The following GPR55 variants were observed in gnomAD, a reference collection of about 807,000 sequenced individuals.
GPR55 encodes the protein G protein-coupled receptor 55, also known as G-protein coupled receptor 55.
A neutral mutation model predicts 7.9 loss-of-function variants in GPR55; 6 were observed. The observed-to-expected ratio is 0.76, with a 90% CI of 0.41 to 1.49. The LOEUF is 1.49. Ranked by LOEUF, GPR55 falls within the 40% of genes most tolerant of loss-of-function variation. GPR55 has a pLI of 0.01. For missense variants in GPR55, 376 were observed against 406.0 expected, an observed-to-expected ratio of 0.93 and a Z score of 0.63; for synonymous variants, 183 against 166.8, an observed-to-expected ratio of 1.10 and a Z score of -0.75.
chr2:230,925,038 A>G (rs1350069536), intron 1 of GPR55, 130 bp downstream of exon 1: 1 of 152,582 alleles, frequency 6.6e-6, no homozygotes, highest in Non-Finnish European at 1.5e-5. Context: ...CTGAGTTGGG[A>G]CAGGTGTGCA....
At chr2:230,913,314 A>T (rs1015350929) in intron 1 of GPR55, among the ~76,000 whole-genome samples, 1 of 152,104 alleles carries the variant, frequency 6.6e-6, no homozygotes, top group African/African-American at 2.4e-5. Context: ...GGAGGAAAAA[A>T]TTGGGGTGTG....
At chr2:230,916,924 C>T (rs1284056632) in intron 1 of GPR55, among the ~76,000 whole-genome samples, 3 of 151,954 alleles carry the variant, frequency 2.0e-5, no homozygotes, top group Admixed American at 1.3e-4. Flanking sequence ...ATTCTCAATT[C>T]AAAAATAAAA....
chr2:230,925,537 G>C (rs1690927908), upstream of GPR55, among the ~76,000 whole-genome samples: 1 of 152,102 alleles, frequency 6.6e-6, no homozygotes, highest in Non-Finnish European at 1.5e-5. Flanking sequence ...GTCAAGCCCT[G>C]GGAAGCCTCT....
intron 1 of GPR55, among the ~76,000 whole-genome samples, chr2:230,946,547 T>G (rs1320453676): frequency 6.6e-6 from 1 of 152,186 alleles, no homozygotes; most frequent in Non-Finnish European, 1.5e-5. Flanking sequence ...GAGAAAAAAG[T>G]GTCCTCATCA....
At chr2:230,949,535 C>T (rs1481306978) in intron 1 of GPR55, among the ~76,000 whole-genome samples, 7 of 152,210 alleles carry the variant, frequency 4.6e-5, no homozygotes, top group South Asian at 2.1e-4. Context: ...ATCAATTCCC[C>T]GGCCTAGATC....
chr2:230,928,845 C>A (rs1274968453), upstream of GPR55, among the ~76,000 whole-genome samples: 1 of 152,096 alleles, frequency 6.6e-6, no homozygotes, highest in African/African-American at 2.4e-5. Context: ...CTGCCCCCAC[C>A]CTCTGCTCCA....
intron 1 of GPR55, chr2:230,957,494 T>C (rs1483687301): frequency 5.6e-6 from 2 of 356,350 alleles, no homozygotes; most frequent in Non-Finnish European, 1.1e-5. Context: ...GATTTAAAAC[T>C]TGTGAATTTG....
upstream of GPR55, among the ~76,000 whole-genome samples, chr2:230,925,426 G>A (rs539663121): frequency 4.1e-4 from 63 of 152,062 alleles, no homozygotes; most frequent in Non-Finnish European, 7.9e-4. Context: ...CCAGGAGGAG[G>A]GTCTACACTC....
chr2:230,961,087 T>C (rs2125074017), upstream of GPR55: 1 of 152,302 alleles, frequency 6.6e-6, no homozygotes, highest in Middle Eastern at 3.4e-3. Flanking sequence ...AGTGTTCTCA[T>C]CAAAGGACAC....
chr2:230,956,923 T>TC (rs1184011123), intron 1 of GPR55, among the ~76,000 whole-genome samples: 4 of 130,168 alleles, frequency 3.1e-5, no homozygotes, highest in African/African-American at 1.2e-4. Flanking sequence ...AGATTAACCT[T>TC]TTTTTTTTTT....
At position 230,923,860 on chromosome 2, in the gene GPR55, A is replaced by C. The variant is rs1402181026; in HGVS notation, c.-135+1308T>G. ...GCTCACCCTGGCCCCCATCAGCATC[A>C]CAAGCAAGAGCATCTGGGATCCAGG... On this transcript the variant is annotated intron_variant, in intron 1 of 1. Coordinates refer to ENST00000650999, the MANE Select transcript of GPR55 (RefSeq NM_005683.4). This position sits in a 1 kb window ranked among gnomAD's most constrained non-coding sequence, Gnocchi z 4.1. Among the ~76,000 whole-genome samples the C allele has an allele frequency of 6.6e-6, 1 of 152,112 alleles. No individual in the cohort carries two copies. Among genetic ancestry groups the C allele is most frequent in the East Asian group, 1.9e-4 (1 of 5,200 alleles).
At chr2:230,946,702 G>C (rs1458248966) in intron 1 of GPR55, among the ~76,000 whole-genome samples, 3 of 152,224 alleles carry the variant, frequency 2.0e-5, no homozygotes, top group Non-Finnish European at 4.4e-5. Flanking sequence ...AGTAGCATGG[G>C]ACAAGTTCCC....
chr2:230,928,752 T>A (rs574807888), upstream of GPR55, among the ~76,000 whole-genome samples: 1 of 152,226 alleles, frequency 6.6e-6, no homozygotes, highest in African/African-American at 2.4e-5. Context: ...AAAGGGGTCC[T>A]AAAAATCAGA....
intron 1 of GPR55, among the ~76,000 whole-genome samples, chr2:230,932,334 G>A (rs532247068): frequency 2.0e-5 from 3 of 152,286 alleles, no homozygotes; most frequent in Non-Finnish European, 2.9e-5. Flanking sequence ...AATTACCACC[G>A]GCTGGATGGA....
chr2:230,910,884 G>C lies in GPR55; in HGVS notation c.79C>G (p.His27Asp). 1.2e-6 allele frequency: 2 copies of C among 1,614,088 alleles called. No individual in the cohort carries two copies. The highest frequency in any genetic ancestry group is 2.2e-5 in the South Asian group (2 of 91,072). The change falls in exon 2 of 2, where the codon CAC (histidine) becomes GAC (aspartate). Residue 27 changes from histidine (H) to aspartate (D), a missense_variant. Physicochemically the swap from His to Asp is moderately conservative, Grantham distance 81. Coordinates refer to ENST00000650999, the MANE Select transcript of GPR55 (RefSeq NM_005683.4). This position sits in a 1 kb window ranked among gnomAD's most constrained non-coding sequence, Gnocchi z 5.4. ...AGGCCCAGGACGAAGGTGGGGATGT[G>C]GACTGCAAACTGTAGGGTTTTCATC... ...ELMKTLQFAV[H>D]IPTFVLGLLL...
chr2:230,918,749 G>A (rs1690770608), intron 1 of GPR55, among the ~76,000 whole-genome samples: 2 of 152,088 alleles, frequency 1.3e-5, no homozygotes, highest in Non-Finnish European at 2.9e-5. Flanking sequence ...TAGTTTCAGT[G>A]TTAGGAAATC....
At chr2:230,938,057 G>A (rs886323204) in intron 1 of GPR55, among the ~76,000 whole-genome samples, 1 of 150,094 alleles carries the variant, frequency 6.7e-6, no homozygotes, top group Non-Finnish European at 1.5e-5. Flanking sequence ...CTACTTGGGC[G>A]GATCACTTAA....
At chr2:230,925,650 T>G (rs578237076), upstream of GPR55, among the ~76,000 whole-genome samples, 1 of 152,016 alleles carries the variant, frequency 6.6e-6, no homozygotes, top group Admixed American at 6.5e-5. Context: ...TTCCAGCACT[T>G]TGGGGGTTTA....
At chr2:230,934,297 C>T (rs757032371) in intron 1 of GPR55, among the ~76,000 whole-genome samples, 2 of 152,232 alleles carry the variant, frequency 1.3e-5, no homozygotes, top group Non-Finnish European at 2.9e-5. Flanking sequence ...GCACCTCTCT[C>T]ACCAAAAGCT....
Sources: gnomAD v4.1 joint callset for allele counts (sites outside exome capture counted in the v4.1 genomes callset) on GRCh38, gnomAD v4.1.1 for gene constraint, Gnocchi (gnomAD v3.1) non-coding constraint, MANE v1.5 for transcripts, NCBI Gene and HGNC (gene_info 2026-07-23, HGNC 2026-07-21) for gene names.